OSBPL1A: variants seen among roughly 807,000 people sequenced by gnomAD.
The protein encoded by OSBPL1A is oxysterol-binding protein-related protein 1.
Under a neutral mutation model 137.1 loss-of-function variants are expected in OSBPL1A, and 80 were observed. The observed-to-expected ratio is 0.58, with a 90% CI of 0.49 to 0.70. The LOEUF (loss-of-function observed/expected upper bound fraction) is 0.70. OSBPL1A is among the 30% of genes least tolerant of loss of function. The probability of loss-of-function intolerance (pLI) is 0.00; values close to 1 mark genes in which losing one functional copy is unlikely to be tolerated. For synonymous variants in OSBPL1A, 365 were observed against 389.7 expected (o/e 0.94, Z 0.75); for missense variants, 970 against 1,129.4 (o/e 0.86, Z 2.02).
intron 13 of OSBPL1A, among the ~76,000 whole-genome samples, chr18:24,305,049 T>TC (rs1355478653): frequency 6.6e-6 from 1 of 152,200 alleles, no homozygotes; most frequent in African/African-American, 2.4e-5. Flanking sequence ...ACCAAATGCA[T>TC]CACTCATGAT....
chr18:24,378,090 A>AC (rs1224858822), intron 1 of OSBPL1A, among the ~76,000 whole-genome samples: 1 of 152,212 alleles, frequency 6.6e-6, no homozygotes, highest in Non-Finnish European at 1.5e-5. Flanking sequence ...TTTTTCTGTC[A>AC]CATTTTCTTA....
rs117696670 is a variant in OSBPL1A, at chr18:24,359,518, C to A, written c.282+7374G>T. On this transcript the variant is annotated intron_variant, in intron 4 of 27. Coordinates refer to ENST00000319481, the MANE Select transcript of OSBPL1A (RefSeq NM_080597.4). The stretch of plus-strand genomic sequence containing the variant: ...ACCAGCCTGGGCAACACGGTGAAAC[C>A]CTGTCTCTACAAAAGATTTTTAAAA... Among the ~76,000 whole-genome samples, 565 of 151,732 alleles carry A rather than the reference C, an allele frequency of 3.7e-3. 1 individual carries two copies. The highest frequency in any genetic ancestry group is 6.4e-3 in the Non-Finnish European group (438 of 67,930).
chr18:24,336,695 G>A (rs2091181267), intron 5 of OSBPL1A, among the ~76,000 whole-genome samples: 3 of 152,180 alleles, frequency 2.0e-5, no homozygotes, highest in African/African-American at 7.2e-5. Context: ...TCAAGTTAGT[G>A]AGGATCTTAG....
intron 16 of OSBPL1A, among the ~76,000 whole-genome samples, chr18:24,226,887 ATTTTTTTTT>A (rs5823416): frequency 9.9e-6 from 1 of 100,860 alleles, no homozygotes; most frequent in African/African-American, 3.7e-5. Flanking sequence ...AAAGAAACAG[ATTTTTTTTT>A]TTTTTTTTTT....
chr18:24,343,806 A>C (rs1178072870), intron 4 of OSBPL1A, among the ~76,000 whole-genome samples: 8 of 152,218 alleles, frequency 5.3e-5, no homozygotes, highest in Admixed American at 2.0e-4. Context: ...TACACCATAC[A>C]CAAAAACTAA....
In OSBPL1A at chr18:24,271,626, G is replaced by C; in HGVS notation, c.1281+9216C>G. 1 of 985,860 alleles carries C rather than the reference G, an allele frequency of 1.0e-6. No individual in the cohort carries two copies. Among genetic ancestry groups the C allele is most frequent in the South Asian group, 4.7e-5 (1 of 21,296 alleles). 61.1% of individuals were successfully genotyped at this position (985,860 alleles called of 1,614,324 possible). On this transcript the variant is annotated intron_variant, in intron 15 of 27. Transcript: ENST00000319481. The surrounding 1 kb of genome is among the most constrained non-coding windows in gnomAD (Gnocchi z 4.0). ...GCTGCAAATACACCCACCTACCTGG[G>C]CCAGATCCGAGGACCCCGGCTGGCG...
At chr18:24,181,332 C>G (rs1182715599) in intron 18 of OSBPL1A, 53 bp from the exon 19 acceptor site, 6 of 1,561,304 alleles carry the variant, frequency 3.8e-6, no homozygotes, top group Non-Finnish European at 4.4e-6. Context: ...AACAAACAAA[C>G]CTATTGTTAT....
intron 18 of OSBPL1A, among the ~76,000 whole-genome samples, chr18:24,182,695 C>CT (rs1245866917): frequency 6.6e-6 from 1 of 152,068 alleles, no homozygotes; most frequent in African/African-American, 2.4e-5. Context: ...AAATTTACTG[C>CT]TGCATCACTG....
chr18:24,163,401 C>A, intron 27 of OSBPL1A, 120 bp from the exon 28 acceptor site: 1 of 662,228 alleles, frequency 1.5e-6, no homozygotes, highest in Non-Finnish European at 2.6e-6. Context: ...AGGGATAGTT[C>A]TAAAGAGATG....
chr18:24,180,710 C>T (rs1270056352), intron 19 of OSBPL1A, among the ~76,000 whole-genome samples: 2 of 152,118 alleles, frequency 1.3e-5, no homozygotes, highest in Admixed American at 6.6e-5. Context: ...CCCGTCTCTA[C>T]TAAAAAAATA....
chr18:24,284,628 TA>T (rs35183077), intron 14 of OSBPL1A, among the ~76,000 whole-genome samples: 126,870 of 149,604 alleles, frequency 0.85, 54,716 homozygotes, highest in East Asian at 0.97. Context: ...TATCCTAGTG[TA>T]AAAAAAAAAA....
In OSBPL1A at chr18:24,277,715, C is replaced by A. The variant is rs182917054; in HGVS notation, c.1281+3127G>T. ...ACAGCACATAATTACACCACTCTGA[C>A]CTCGATTACGCTGTTAAATTCCTAT... On this transcript the variant is annotated intron_variant, in intron 15 of 27. Coordinates refer to ENST00000319481, the MANE Select transcript of OSBPL1A (RefSeq NM_080597.4). Among the ~76,000 whole-genome samples the A allele has an allele frequency of 2.0e-3, 309 of 152,314 alleles. 1 individual carries two copies. Among genetic ancestry groups the A allele is most frequent in the Non-Finnish European group, 3.2e-3 (217 of 68,030 alleles).
At chr18:24,388,471 T>G (rs1204484880) in intron 1 of OSBPL1A, among the ~76,000 whole-genome samples, 1 of 151,858 alleles carries the variant, frequency 6.6e-6, no homozygotes, top group Non-Finnish European at 1.5e-5. Context: ...ACAGTTTTTT[T>G]TTTCTAATAA....
In OSBPL1A at chr18:24,259,230, G is replaced by A. The variant is rs563383514; in HGVS notation, c.1282-19848C>T. Among the ~76,000 whole-genome samples the A allele has an allele frequency of 5.3e-5, 8 of 152,092 alleles. No homozygotes were observed. The East Asian group carries it at 1.5e-3, about 29-fold the overall frequency. On this transcript the variant is annotated intron_variant, in intron 15 of 27. Coordinates refer to ENST00000319481, the MANE Select transcript of OSBPL1A (RefSeq NM_080597.4). ...CCTAAAATTACATCTTTTTAACTCC[G>A]TATTAAATATTTGTGCACAACTGTA...
chr18:24,255,813 G>T (rs2089257273), intron 15 of OSBPL1A, among the ~76,000 whole-genome samples: 1 of 149,552 alleles, frequency 6.7e-6, no homozygotes, highest in Admixed American at 6.7e-5. Context: ...CTGGAGTGCA[G>T]TGGTGCGCTC....
intron 4 of OSBPL1A, among the ~76,000 whole-genome samples, chr18:24,358,808 A>G: frequency 6.6e-6 from 1 of 152,190 alleles, no homozygotes; most frequent in East Asian, 1.9e-4. Context: ...TGGTGCCATC[A>G]TAGCTCACTC....
chr18:24,364,607 T>C (rs1217042481), intron 4 of OSBPL1A, among the ~76,000 whole-genome samples: 6 of 151,478 alleles, frequency 4.0e-5, no homozygotes, highest in Non-Finnish European at 7.4e-5. Flanking sequence ...ACAAACAATT[T>C]TTTTTTAATT....
intron 1 of OSBPL1A, among the ~76,000 whole-genome samples, chr18:24,385,364 C>G (rs1362712575): frequency 6.6e-6 from 1 of 151,932 alleles, no homozygotes; most frequent in African/African-American, 2.4e-5. Flanking sequence ...ATATTCCAAC[C>G]TGGGTAACAG....
chr18:24,347,263 G>C (rs931149823), intron 4 of OSBPL1A, among the ~76,000 whole-genome samples: 2 of 152,072 alleles, frequency 1.3e-5, no homozygotes, highest in African/African-American at 4.8e-5. Context: ...TGCAACCTCT[G>C]CTTCCCAGCT....
Sources: gnomAD v4.1 joint callset for allele counts (sites outside exome capture counted in the v4.1 genomes callset) on GRCh38, gnomAD v4.1.1 for gene constraint, Gnocchi (gnomAD v3.1) non-coding constraint, MANE v1.5 for transcripts, NCBI Gene and HGNC (gene_info 2026-07-23, HGNC 2026-07-21) for gene names.